Variants in KCNH7 observed in about 807,000 individuals in gnomAD.
KCNH7 encodes voltage-gated inwardly rectifying potassium channel KCNH7.
Under a neutral mutation model 120.8 loss-of-function variants are expected in KCNH7, and 49 were observed. The observed-to-expected ratio is 0.41, with a 90% CI of 0.32 to 0.51. The LOEUF (loss-of-function observed/expected upper bound fraction) is 0.51, where lower values mean the gene tolerates loss of function less well. Ranked by LOEUF, KCNH7 falls within the 20% of genes least tolerant of loss-of-function variation. The probability of loss-of-function intolerance (pLI) is 0.38; values close to 1 mark genes in which losing one functional copy is unlikely to be tolerated. For synonymous variants in KCNH7, 547 were observed against 516.1 expected, an observed-to-expected ratio of 1.06 and a Z score of -0.81; for missense variants, 1,097 against 1,446.6, an observed-to-expected ratio of 0.76 and a Z score of 3.92.
intron 6 of KCNH7, among the ~76,000 whole-genome samples, chr2:162,471,218 C>T (rs555963185): frequency 1.6e-4 from 24 of 147,008 alleles, no homozygotes; most frequent in Middle Eastern, 3.5e-3. Flanking sequence ...TCCCCCTCTG[C>T]GAGAAACACC....
At chr2:162,514,404 C>T (rs949858250) in intron 4 of KCNH7, among the ~76,000 whole-genome samples, 1 of 151,746 alleles carries the variant, frequency 6.6e-6, no homozygotes, top group Non-Finnish European at 1.5e-5. Flanking sequence ...CTGTACTTAT[C>T]AAACCTAAAA....
intron 2 of KCNH7, among the ~76,000 whole-genome samples, chr2:162,743,554 G>A (rs1279625129): frequency 6.6e-6 from 1 of 152,028 alleles, no homozygotes; most frequent in Non-Finnish European, 1.5e-5. Context: ...TCAAAATGTA[G>A]GGTCACGGAA....
chr2:162,577,295 A>G lies in KCNH7; in HGVS notation c.308-40215T>C, dbSNP rs7588260. On this transcript the variant is annotated intron_variant, in intron 2 of 15. Coordinates refer to ENST00000332142, the MANE Select transcript of KCNH7 (RefSeq NM_033272.4). ...CATTAACAGATAGATCTATCTGTCT[A>G]TCTATCTATCTATCTATCTATCTAT... Among the ~76,000 whole-genome samples, 770 of 87,670 alleles carry G rather than the reference A, an allele frequency of 8.8e-3. 12 individuals carry two copies. Among genetic ancestry groups the G allele is most frequent in the African/African-American group, 0.022 (726 of 32,666 alleles). 57.5% of individuals were successfully genotyped at this position (87,670 alleles called of 152,430 possible). A position where few individuals can be genotyped will look rare whatever the true frequency, so the allele number is the denominator to read the frequency against.
At chr2:162,504,023 C>G (rs1690779471) in intron 6 of KCNH7, among the ~76,000 whole-genome samples, 1 of 152,000 alleles carries the variant, frequency 6.6e-6, no homozygotes, top group Non-Finnish European at 1.5e-5. Context: ...AGATCTGACT[C>G]TATTTAGTAG....
intron 2 of KCNH7, among the ~76,000 whole-genome samples, chr2:162,823,981 AGCATTAGCT>A (rs1685202014): frequency 6.6e-6 from 1 of 152,212 alleles, no homozygotes; most frequent in Non-Finnish European, 1.5e-5. Flanking sequence ...TCTGTAGCAG[AGCATTAGCT>A]CTGCCAACAT....
intron 9 of KCNH7, among the ~76,000 whole-genome samples, chr2:162,404,685 A>G (rs1230481189): frequency 1.3e-5 from 2 of 152,006 alleles, no homozygotes; most frequent in African/African-American, 4.8e-5. Flanking sequence ...GGAGCCGAGC[A>G]GATGCTAGCA....
At chr2:162,578,235 C>T (rs1305568695) in intron 2 of KCNH7, among the ~76,000 whole-genome samples, 1 of 151,506 alleles carries the variant, frequency 6.6e-6, no homozygotes, top group Non-Finnish European at 1.5e-5. Context: ...ATGAAAGTAA[C>T]ATTTATGAAA....
chr2:162,391,870 T>A (rs972155014), intron 12 of KCNH7, among the ~76,000 whole-genome samples: 3 of 152,002 alleles, frequency 2.0e-5, no homozygotes, highest in Non-Finnish European at 4.4e-5. Flanking sequence ...GGATTTAGAT[T>A]AACTCTGTGG....
intron 2 of KCNH7, among the ~76,000 whole-genome samples, chr2:162,638,589 A>C (rs1213896009): frequency 6.6e-6 from 1 of 152,144 alleles, no homozygotes; most frequent in Non-Finnish European, 1.5e-5. Flanking sequence ...TCTAAGATCA[A>C]AAAATCAAAG....
intron 2 of KCNH7, among the ~76,000 whole-genome samples, chr2:162,589,960 A>G (rs1694153822): frequency 6.6e-6 from 1 of 152,112 alleles, no homozygotes; most frequent in Non-Finnish European, 1.5e-5. Flanking sequence ...TGAGGAATGA[A>G]CTTATGAAAA....
intron 2 of KCNH7, among the ~76,000 whole-genome samples, chr2:162,763,728 AGTGTGTGTGT>A (rs72350942): frequency 0.065 from 9,095 of 139,220 alleles, 367 homozygotes; most frequent in Middle Eastern, 0.11. Context: ...AGGCATTTGC[AGTGTGTGTGT>A]GTGTGTGTGT....
chr2:162,644,764 C>T (rs1684291035), intron 2 of KCNH7, among the ~76,000 whole-genome samples: 2 of 152,250 alleles, frequency 1.3e-5, no homozygotes, highest in African/African-American at 2.4e-5. Context: ...CTCAGAGGTC[C>T]TATTTTTTTC....
intron 2 of KCNH7, among the ~76,000 whole-genome samples, chr2:162,702,386 C>A (rs1686541150): frequency 6.6e-6 from 1 of 152,084 alleles, no homozygotes; most frequent in African/African-American, 2.4e-5. Flanking sequence ...TATGTTCTGT[C>A]AAATAAAAGA....
chr2:162,715,222 A>G (rs1176648582), intron 2 of KCNH7, among the ~76,000 whole-genome samples: 1 of 152,196 alleles, frequency 6.6e-6, no homozygotes, highest in Non-Finnish European at 1.5e-5. Context: ...CAGGGAGCTT[A>G]CAATCATGGC....
At chr2:162,634,633 C>G (rs1387565315) in intron 2 of KCNH7, among the ~76,000 whole-genome samples, 2 of 151,932 alleles carry the variant, frequency 1.3e-5, no homozygotes, top group Non-Finnish European at 2.9e-5. Context: ...GACCCAGGGC[C>G]TTAAGGAATG....
Position 162,536,924 on chromosome 2 carries a change from C to G in KCNH7, c.463+1G>C. 1 of 1,610,594 alleles carries G rather than the reference C, an allele frequency of 6.2e-7. No homozygotes were observed. Among genetic ancestry groups the G allele is most frequent in the Non-Finnish European group, 8.5e-7 (1 of 1,177,584 alleles). Reference sequence around the variant, plus strand: ...TTGAGTACACATTGCCTTTTACTTACGGTTTACAGTTTTGATTGGTAATAT... The same window carrying G: ...TTGAGTACACATTGCCTTTTACTTAGGGTTTACAGTTTTGATTGGTAATAT... On this transcript the variant is annotated splice_donor_variant, in intron 3 of 15. Transcript: ENST00000332142. LOFTEE classifies it high-confidence loss of function.
At chr2:162,838,317 C>A (rs1167524057) in intron 1 of KCNH7, 126 bp downstream of exon 1, 8 of 698,508 alleles carry the variant, frequency 1.1e-5, no homozygotes, top group South Asian at 1.0e-4. Context: ...CCTCCTGGCT[C>A]GGTTTCACAG....
At chr2:162,600,398 T>G (rs73026689) in intron 2 of KCNH7, among the ~76,000 whole-genome samples, 4,266 of 152,134 alleles carry the variant, frequency 0.028, 222 homozygotes, top group African/African-American at 0.098. Context: ...ATTCATTCAC[T>G]CATGAAAAAA....
chr2:162,631,458 T>C (rs7607781), intron 2 of KCNH7, among the ~76,000 whole-genome samples: 77,513 of 151,846 alleles, frequency 0.51, 19,980 homozygotes, highest in Middle Eastern at 0.62. Flanking sequence ...TTCTTATCAA[T>C]GGACAGATTC....
Sources: gnomAD v4.1 joint callset for allele counts (sites outside exome capture counted in the v4.1 genomes callset) on GRCh38, gnomAD v4.1.1 for gene constraint, MANE v1.5 for transcripts, NCBI Gene and HGNC (gene_info 2026-07-23, HGNC 2026-07-21) for gene names.